The following NOL4 variants were observed in gnomAD, a reference collection of about 807,000 sequenced individuals.
NOL4 encodes the protein nucleolar protein 4, also known as cancer/testis antigen 125.
In NOL4, 17 loss-of-function variants were observed where a neutral mutation model predicts 75.9. The ratio of observed to expected loss-of-function variants is 0.22; its 90% CI spans 0.15 to 0.34. The LOEUF is 0.34. NOL4 is among the 10% of genes least tolerant of loss of function. The pLI, the probability that NOL4 is intolerant of heterozygous loss-of-function variation, is 1.00. For missense variants in NOL4, 614 were observed against 793.5 expected, an observed-to-expected ratio of 0.77 and a Z score of 2.72; for synonymous variants, 292 against 289.9, an observed-to-expected ratio of 1.01 and a Z score of -0.07.
chr18:34,070,591 A>G (rs868821647), intron 5 of NOL4, among the ~76,000 whole-genome samples: 9 of 152,284 alleles, frequency 5.9e-5, no homozygotes, highest in South Asian at 2.1e-4. Flanking sequence ...TTCACAGTGT[A>G]GAGTTATACA....
At chr18:33,952,737 C>A (rs996641356) in intron 8 of NOL4, among the ~76,000 whole-genome samples, 3 of 152,144 alleles carry the variant, frequency 2.0e-5, no homozygotes, top group Non-Finnish European at 4.4e-5. Context: ...CCAGCCTGAC[C>A]AACATGGAGA....
chr18:33,967,265 G>A (rs1286749417), intron 6 of NOL4, among the ~76,000 whole-genome samples: 1 of 152,106 alleles, frequency 6.6e-6, no homozygotes, highest in Non-Finnish European at 1.5e-5. Flanking sequence ...GGGATAACTG[G>A]CTACCCATAT....
chr18:33,996,645 T>C (rs2073307499), intron 6 of NOL4, among the ~76,000 whole-genome samples: 1 of 151,878 alleles, frequency 6.6e-6, no homozygotes, highest in Non-Finnish European at 1.5e-5. Flanking sequence ...TAGGGCCCAC[T>C]TATAAGTGAG....
At chr18:34,098,708 T>TA (rs925294974) in intron 4 of NOL4, among the ~76,000 whole-genome samples, 11 of 152,102 alleles carry the variant, frequency 7.2e-5, no homozygotes, top group South Asian at 2.1e-4. Context: ...ATTTGTTGCT[T>TA]AAAAAAACAA....
At chr18:33,973,694 C>A (rs2071261080) in intron 6 of NOL4, among the ~76,000 whole-genome samples, 1 of 152,162 alleles carries the variant, frequency 6.6e-6, no homozygotes, top group Non-Finnish European at 1.5e-5. Flanking sequence ...GTATCTCCAT[C>A]AGAGCTCTTG....
intron 10 of NOL4, among the ~76,000 whole-genome samples, chr18:33,865,326 T>C (rs2063379636): frequency 6.6e-6 from 1 of 152,150 alleles, no homozygotes; most frequent in African/African-American, 2.4e-5. Context: ...TTACTTATAA[T>C]ACTGAATATA....
chr18:34,023,371 G>C, intron 5 of NOL4: 1 of 451,860 alleles, frequency 2.2e-6, no homozygotes, highest in Non-Finnish European at 4.5e-6. Context: ...ATTTAAAATC[G>C]CGGATCTCAG....
intron 5 of NOL4, among the ~76,000 whole-genome samples, chr18:34,050,266 A>T (rs2076573454): frequency 6.7e-6 from 1 of 148,420 alleles, no homozygotes; most frequent in African/African-American, 2.4e-5. Flanking sequence ...TCTAATTAGT[A>T]AAGGGCTTTC....
intron 9 of NOL4, among the ~76,000 whole-genome samples, chr18:33,929,239 A>T (rs1337543738): frequency 6.6e-6 from 1 of 152,158 alleles, no homozygotes; most frequent in East Asian, 1.9e-4. Context: ...ATTTCTTCAC[A>T]ACAATCTCAA....
At chr18:34,057,603 G>A (rs554914996) in intron 5 of NOL4, among the ~76,000 whole-genome samples, 1 of 152,188 alleles carries the variant, frequency 6.6e-6, no homozygotes, top group East Asian at 1.9e-4. Context: ...ATAGTAATAA[G>A]TAACAGTATC....
chr18:33,926,768 T>C (rs1001917081), intron 9 of NOL4, among the ~76,000 whole-genome samples: 4 of 152,026 alleles, frequency 2.6e-5, no homozygotes, highest in African/African-American at 7.2e-5. Context: ...GCCCAGCTAA[T>C]TTTTGTATTT....
chr18:34,217,667 T>A (rs1281156811), intron 1 of NOL4, among the ~76,000 whole-genome samples: 4 of 152,186 alleles, frequency 2.6e-5, no homozygotes, highest in Non-Finnish European at 5.9e-5. Flanking sequence ...ATTTTCATGT[T>A]CTATGAATCA....
At position 34,223,290 on chromosome 18, in the gene NOL4, C is replaced by T; in HGVS notation, c.-37G>A. 6.2e-7 allele frequency: 1 copy of T among 1,604,548 alleles called. No homozygotes were observed. Among genetic ancestry groups the T allele is most frequent in the African/African-American group, 1.3e-5 (1 of 74,932 alleles). On this transcript the variant is annotated 5_prime_UTR_variant, in exon 1 of 11. Coordinates refer to ENST00000261592, the MANE Select transcript of NOL4 (RefSeq NM_003787.5). ...TCGGCCGCTGGCCGGATGCTCCCAG[C>T]GCACTTCGCACCTGTTCACCCTAGG...
chr18:34,046,410 T>A (rs982027747), intron 5 of NOL4, among the ~76,000 whole-genome samples: 2 of 151,896 alleles, frequency 1.3e-5, no homozygotes, highest in Middle Eastern at 3.4e-3. Context: ...CAGTCTTCAG[T>A]TGACAGCCAG....
At chr18:34,213,053 A>G (rs1045031165) in intron 1 of NOL4, among the ~76,000 whole-genome samples, 2 of 152,194 alleles carry the variant, frequency 1.3e-5, no homozygotes, top group Non-Finnish European at 1.5e-5. Context: ...TCAAAGGAGA[A>G]GGGATTATAC....
intron 8 of NOL4, among the ~76,000 whole-genome samples, chr18:33,949,326 C>T (rs550251887): frequency 2.0e-4 from 30 of 152,038 alleles, no homozygotes; most frequent in Non-Finnish European, 4.0e-4. Context: ...CACCTGAGTT[C>T]GTCCTGGGCA....
chr18:33,913,730 T>C (rs997450296), intron 9 of NOL4, among the ~76,000 whole-genome samples: 1 of 151,968 alleles, frequency 6.6e-6, no homozygotes, highest in African/African-American at 2.4e-5. Flanking sequence ...CACTCCAGAG[T>C]TGGAAGAATT....
At chr18:34,034,219 G>A (rs1181226610) in intron 5 of NOL4, among the ~76,000 whole-genome samples, 1 of 152,058 alleles carries the variant, frequency 6.6e-6, no homozygotes, top group African/African-American at 2.4e-5. Context: ...AAGGAACAAA[G>A]AATATACTAA....
intron 9 of NOL4, among the ~76,000 whole-genome samples, chr18:33,891,375 T>G (rs2065084861): frequency 6.6e-6 from 1 of 152,102 alleles, no homozygotes; most frequent in Admixed American, 6.6e-5. Context: ...ATTTTACACT[T>G]ATAAAATCAC....
Sources: gnomAD v4.1 joint callset for allele counts (sites outside exome capture counted in the v4.1 genomes callset) on GRCh38, gnomAD v4.1.1 for gene constraint, MANE v1.5 for transcripts, NCBI Gene and HGNC (gene_info 2026-07-23, HGNC 2026-07-21) for gene names.